The following PRKN variants were observed in gnomAD, a reference collection of about 807,000 sequenced individuals.
PRKN encodes parkin RBR E3 ubiquitin protein ligase, also known as E3 ubiquitin-protein ligase parkin.
A neutral mutation model predicts 59.5 loss-of-function variants in PRKN; 56 were observed. The ratio of observed to expected loss-of-function variants is 0.94; its 90% CI spans 0.76 to 1.18. The LOEUF (loss-of-function observed/expected upper bound fraction) is 1.18. PRKN is among the 50% of genes most tolerant of loss of function. PRKN has a pLI of 0.00. For synonymous variants in PRKN, 250 were observed against 222.1 expected (o/e 1.13, Z -1.12); for missense variants, 657 against 596.4 (o/e 1.10, Z -1.06).
At chr6:162,037,184 CA>C in intron 5 of PRKN, among the ~76,000 whole-genome samples, 1 of 152,214 alleles carries the variant, frequency 6.6e-6, no homozygotes, top group Admixed American at 6.5e-5. Context: ...TGTGACTAGA[CA>C]AATTACTAGA....
At chr6:162,265,339 T>C (rs1317237802) in intron 2 of PRKN, 2 of 152,174 alleles carry the variant, frequency 1.3e-5, no homozygotes, top group Non-Finnish European at 2.9e-5. Context: ...GCCAAAGGGA[T>C]GTTAGCAGAT....
At position 161,371,983 on chromosome 6, in the gene PRKN, C is replaced by T. The variant is rs1785461894; in HGVS notation, c.1168-11778G>A. 6.6e-6 allele frequency among the ~76,000 whole-genome samples: 1 copy of T among 152,172 alleles called. No individual in the cohort carries two copies. The highest frequency in any genetic ancestry group is 2.4e-5 in the African/African-American group (1 of 41,452). On this transcript the variant is annotated intron_variant, in intron 10 of 11. Coordinates refer to ENST00000366898, the MANE Select transcript of PRKN (RefSeq NM_004562.3). This position sits in a 1 kb window ranked among gnomAD's most constrained non-coding sequence, Gnocchi z 5.5. Reference sequence around the variant, plus strand: ...ATGATTCTAACAGTGGTGATTTCTGCTAGGAGTGGAATGTGTGCCAAGTGC... The same window carrying T: ...ATGATTCTAACAGTGGTGATTTCTGTTAGGAGTGGAATGTGTGCCAAGTGC...
chr6:162,132,606 A>G (rs749437636), intron 4 of PRKN, among the ~76,000 whole-genome samples: 18 of 152,192 alleles, frequency 1.2e-4, no homozygotes, highest in Non-Finnish European at 2.2e-4. Context: ...CTAGCACAGA[A>G]GAGACCAGTA....
At position 161,545,942 on chromosome 6, in the gene PRKN, A is replaced by T. The variant is rs1222274252; in HGVS notation, c.1083+2912T>A. Among the ~76,000 whole-genome samples, 1 of 152,356 alleles carries T rather than the reference A, an allele frequency of 6.6e-6. No individual in the cohort carries two copies. Among genetic ancestry groups the T allele is most frequent in the East Asian group, 1.9e-4 (1 of 5,188 alleles). On this transcript the variant is annotated intron_variant, in intron 9 of 11. Transcript: ENST00000366898. This position sits in a 1 kb window ranked among gnomAD's most constrained non-coding sequence, Gnocchi z 4.1. ...CCTGTGTAACGATCACAATATAAACAAATGGCATGGTGGCAAAGTAGTATT... is the reference window on the plus strand; with the variant it reads ...CCTGTGTAACGATCACAATATAAACTAATGGCATGGTGGCAAAGTAGTATT...
intron 3 of PRKN, among the ~76,000 whole-genome samples, chr6:162,251,269 G>A (rs1217618895): frequency 2.0e-5 from 3 of 152,140 alleles, no homozygotes; most frequent in African/African-American, 7.2e-5. Context: ...AGGGGAGAGT[G>A]GGAGGATCAG....
intron 4 of PRKN, among the ~76,000 whole-genome samples, chr6:162,105,637 TG>T (rs1169095659): frequency 6.6e-6 from 1 of 152,172 alleles, no homozygotes; most frequent in African/African-American, 2.4e-5. Context: ...TGACCTCACG[TG>T]ATCCACCTGC....
At position 162,195,008 on chromosome 6, in the gene PRKN, C is replaced by T. The variant is rs184715767; in HGVS notation, c.534+6123G>A. ...GTGGCGTGAAGGGCGACAGTGAACA[C>T]GGGGGCCACCCTGGCTTTGGTAGAT... On this transcript the variant is annotated intron_variant, in intron 4 of 11. Coordinates refer to ENST00000366898, the MANE Select transcript of PRKN (RefSeq NM_004562.3). Among the ~76,000 whole-genome samples the T allele has an allele frequency of 2.6e-5, 4 of 152,264 alleles. No individual in the cohort carries two copies. The East Asian group carries it at 5.8e-4, about 22-fold the overall frequency.
intron 7 of PRKN, among the ~76,000 whole-genome samples, chr6:161,626,955 A>G (rs562086808): frequency 8.5e-5 from 13 of 152,140 alleles, no homozygotes; most frequent in African/African-American, 2.9e-4. Context: ...TATCTAGATC[A>G]GTTTCTTTAC....
chr6:162,432,332 C>G (rs1789574986), intron 2 of PRKN, among the ~76,000 whole-genome samples: 2 of 152,096 alleles, frequency 1.3e-5, no homozygotes, highest in Non-Finnish European at 2.9e-5. Flanking sequence ...TCAAAACCAT[C>G]CTGGCCAACA....
At chr6:162,037,522 A>G (rs2128280967) in intron 5 of PRKN, among the ~76,000 whole-genome samples, 1 of 151,184 alleles carries the variant, frequency 6.6e-6, no homozygotes, top group South Asian at 2.1e-4. Context: ...AGGCGGTTTG[A>G]TTCAAGAGGT....
At chr6:161,995,373 C>T (rs2128260300) in intron 5 of PRKN, among the ~76,000 whole-genome samples, 1 of 151,962 alleles carries the variant, frequency 6.6e-6, no homozygotes, top group South Asian at 2.1e-4. Flanking sequence ...ATTTTTATGG[C>T]CATGAGCTCA....
At chr6:161,877,123 T>A (rs905587335) in intron 6 of PRKN, among the ~76,000 whole-genome samples, 1 of 152,148 alleles carries the variant, frequency 6.6e-6, no homozygotes, top group African/African-American at 2.4e-5. Flanking sequence ...GCACAGAGAC[T>A]CTTTTTCAAG....
At chr6:161,865,384 C>G (rs949392205) in intron 6 of PRKN, among the ~76,000 whole-genome samples, 1 of 152,116 alleles carries the variant, frequency 6.6e-6, no homozygotes, top group African/African-American at 2.4e-5. Context: ...CTGCATTAGC[C>G]CCTAACAAGG....
intron 9 of PRKN, among the ~76,000 whole-genome samples, chr6:161,455,016 T>G (rs1471099971): frequency 6.6e-6 from 1 of 152,030 alleles, no homozygotes; most frequent in Non-Finnish European, 1.5e-5. Context: ...GACGATGGAC[T>G]GTCAGTTTGG....
chr6:162,237,085 A>C (rs1383819728), intron 3 of PRKN, among the ~76,000 whole-genome samples: 1 of 151,932 alleles, frequency 6.6e-6, no homozygotes, highest in Non-Finnish European at 1.5e-5. Context: ...AATAACGTCT[A>C]CTCTTACTAA....
intron 1 of PRKN, among the ~76,000 whole-genome samples, chr6:162,453,558 C>A (rs548442390): frequency 2.0e-5 from 3 of 152,216 alleles, no homozygotes; most frequent in East Asian, 3.9e-4. Context: ...ACTATGTAAG[C>A]ATGTCACACA....
intron 1 of PRKN, among the ~76,000 whole-genome samples, chr6:162,613,646 T>C (rs1341305641): frequency 1.3e-5 from 2 of 152,094 alleles, no homozygotes; most frequent in Non-Finnish European, 2.9e-5. Context: ...ATCCTTTAGT[T>C]TTTCAATGTA....
chr6:162,725,102 T>G (rs2023042), intron 1 of PRKN, among the ~76,000 whole-genome samples: 1 of 152,174 alleles, frequency 6.6e-6, no homozygotes, highest in African/African-American at 2.4e-5. Flanking sequence ...CCCAGTCTTT[T>G]GGATGTGAGT....
intron 7 of PRKN, among the ~76,000 whole-genome samples, chr6:161,596,202 C>G (rs1023709806): frequency 6.6e-5 from 10 of 152,120 alleles, no homozygotes; most frequent in African/African-American, 2.4e-4. Flanking sequence ...CAGAACGCAA[C>G]TGCCTTTGCT....
Sources: gnomAD v4.1 joint callset for allele counts (sites outside exome capture counted in the v4.1 genomes callset) on GRCh38, gnomAD v4.1.1 for gene constraint, Gnocchi (gnomAD v3.1) non-coding constraint, MANE v1.5 for transcripts, NCBI Gene and HGNC (gene_info 2026-07-23, HGNC 2026-07-21) for gene names.